Variants in HUWE1 observed in about 807,000 individuals in gnomAD.
HUWE1 encodes E3 ubiquitin-protein ligase HUWE1.
Under a neutral mutation model 299.4 loss-of-function variants are expected in HUWE1, and 18 were observed. The ratio of observed to expected loss-of-function variants is 0.06; its 90% CI spans 0.04 to 0.09. The LOEUF (loss-of-function observed/expected upper bound fraction) is 0.09. HUWE1 is among the 10% of genes least tolerant of loss of function. The pLI is 1.00. For missense variants in HUWE1, 1,832 were observed against 3,462.3 expected, an observed-to-expected ratio of 0.53 and a Z score of 11.82; for synonymous variants, 1,317 against 1,286.1, an observed-to-expected ratio of 1.02 and a Z score of -0.51.
intron 43 of HUWE1, among the ~76,000 whole-genome samples, chrX:53,579,616 T>C (rs2063502466): frequency 9.7e-6 from 1 of 102,926 alleles, no homozygotes; most frequent in South Asian, 4.8e-4. Context: ...AAAATTCTTC[T>C]GCCTTGGGAT....
intron 3 of HUWE1, among the ~76,000 whole-genome samples, chrX:53,672,826 A>T (rs2149549298): frequency 8.9e-6 from 1 of 111,916 alleles, no homozygotes; most frequent in Admixed American, 9.5e-5. Flanking sequence ...AAAAATATAT[A>T]ATATGGCTAC....
intron 60 of HUWE1, among the ~76,000 whole-genome samples, chrX:53,556,886 C>T (rs1488051068): frequency 8.9e-6 from 1 of 112,431 alleles, no homozygotes; most frequent in Middle Eastern, 4.2e-3. Flanking sequence ...AATACAAAAA[C>T]AGCCTTTTAA....
At chrX:53,628,351 C>A (rs1313780056) in intron 15 of HUWE1, 142 bp downstream of exon 15, 13 of 594,440 alleles carry the variant, frequency 2.2e-5, no homozygotes, top group Non-Finnish European at 2.8e-5. Context: ...GCCAAACTGG[C>A]CTTCTACTTA....
chrX:53,602,704 TACTG>T lies in HUWE1; in HGVS notation c.2877-50_2877-47del, dbSNP rs1386489560. 151 of 602,626 alleles carry T rather than the reference TACTG, an allele frequency of 2.5e-4. 1 individual carries two copies. The African/African-American group carries it at 3.0e-3, about 12-fold the overall frequency. The allele number at this position is 602,626 out of a possible 1,213,427, so 49.7% of individuals were successfully genotyped here. A position where few individuals can be genotyped will look rare whatever the true frequency, so the allele number is the denominator to read the frequency against. On this transcript the variant is annotated intron_variant, in intron 27 of 83. Coordinates refer to ENST00000262854, the MANE Select transcript of HUWE1 (RefSeq NM_031407.7). Reference sequence around the variant, plus strand: ...AGCAAAAGAAATATATATATATATATACTGATAATTCACCTCTTATATTGTAAAT... The same window carrying T: ...AGCAAAAGAAATATATATATATATATATAATTCACCTCTTATATTGTAAAT...
intron 39 of HUWE1, among the ~76,000 whole-genome samples, 158 bp from the exon 40 acceptor site, chrX:53,585,346 A>C (rs925043582): frequency 7.1e-5 from 8 of 112,587 alleles, no homozygotes; most frequent in Non-Finnish European, 1.5e-4. Context: ...ATATGCATTT[A>C]CTCTCACATT....
At chrX:53,545,289 T>C in intron 70 of HUWE1, 128 bp from the exon 71 acceptor site, 1 of 665,000 alleles carries the variant, frequency 1.5e-6, no homozygotes, top group Non-Finnish European at 2.4e-6. Context: ...TAGAGTGAGC[T>C]GGAATCGTGC....
chrX:53,578,203 G>C (rs1394634238), intron 43 of HUWE1, among the ~76,000 whole-genome samples: 25 of 95,077 alleles, frequency 2.6e-4, no homozygotes, highest in African/African-American at 5.9e-4. Flanking sequence ...GAGCGCCTCT[G>C]CTGGGCCGCA....
rs1556912679 is a variant in HUWE1 at position 53,536,105 on chromosome X, A to T, written c.12531+42T>A. On this transcript the variant is annotated intron_variant, in intron 80 of 83. Coordinates refer to ENST00000262854, the MANE Select transcript of HUWE1 (RefSeq NM_031407.7). ...AAGGTGAACCTGGAATGGATCTTCCAGATTGGCTGGGATGTGCTGTGATTA... is the reference window on the plus strand; with the variant it reads ...AAGGTGAACCTGGAATGGATCTTCCTGATTGGCTGGGATGTGCTGTGATTA... 9.2e-6 allele frequency: 8 copies of T among 871,756 alleles called. No homozygotes were observed. The Admixed American group carries it at 1.8e-4, about 19-fold the overall frequency. 71.8% of individuals were successfully genotyped at this position (871,756 alleles called of 1,213,427 possible). A position where few individuals can be genotyped will look rare whatever the true frequency, so the allele number is the denominator to read the frequency against.
intron 33 of HUWE1, among the ~76,000 whole-genome samples, chrX:53,591,858 C>G (rs1178432693): frequency 9.0e-6 from 1 of 111,689 alleles, no homozygotes; most frequent in Non-Finnish European, 1.9e-5. Flanking sequence ...CAGATTTGAA[C>G]AGGACTCCAG....
chrX:53,600,647 C>T (rs1236876239), intron 28 of HUWE1, among the ~76,000 whole-genome samples: 1 of 112,595 alleles, frequency 8.9e-6, no homozygotes, highest in Non-Finnish European at 1.9e-5. Context: ...GGATGCCCTA[C>T]TAGAATGTTA....
intron 7 of HUWE1, among the ~76,000 whole-genome samples, chrX:53,641,835 T>C (rs1489452060): frequency 2.7e-5 from 3 of 111,923 alleles, no homozygotes; most frequent in African/African-American, 9.7e-5. Flanking sequence ...ATTTAAAAAA[T>C]GTTACTTGTC....
intron 19 of HUWE1, among the ~76,000 whole-genome samples, chrX:53,623,439 T>C (rs958542305): frequency 8.9e-6 from 1 of 112,209 alleles, no homozygotes; most frequent in Non-Finnish European, 1.9e-5. Flanking sequence ...AGAGAGCTTT[T>C]CCATAGCATG....
At position 53,533,387 on chromosome X, in the gene HUWE1, G is replaced by C; in HGVS notation, c.13047C>G (p.Ala4349=). 1 of 1,201,402 alleles carries C rather than the reference G, an allele frequency of 8.3e-7. No individual in the cohort carries two copies. The highest frequency in any genetic ancestry group is 1.1e-6 in the Non-Finnish European group (1 of 887,097). ...GGCGGAGCTTCTCAAAGCTCTCATA[G>C]GCAGGCAGATCCAGCTGATTAAAAC... ...HTCFNQLDLP[A]YESFEKLRHM... Residue 4349 remains alanine, a synonymous_variant, in exon 84 of 84, where the codon GCC becomes GCG. Transcript: ENST00000262854.
At chrX:53,540,332 T>C (rs1384538503) in intron 74 of HUWE1, among the ~76,000 whole-genome samples, 2 of 102,531 alleles carry the variant, frequency 2.0e-5, no homozygotes, top group African/African-American at 3.5e-5. Context: ...GTCTAATGCC[T>C]TTTTTTTTTT....
chrX:53,610,034 A>G (rs185115135), intron 23 of HUWE1, among the ~76,000 whole-genome samples: 1 of 111,831 alleles, frequency 8.9e-6, no homozygotes, highest in Non-Finnish European at 1.9e-5. Flanking sequence ...CTTTGTAGAA[A>G]GGGAGTATAC....
Position 53,580,782 on chromosome X carries a change from T to C in HUWE1, c.5716+49A>G, listed in dbSNP as rs112527868. On this transcript the variant is annotated intron_variant, in intron 43 of 83. Coordinates refer to ENST00000262854, the MANE Select transcript of HUWE1 (RefSeq NM_031407.7). ...CCTCATAAATAAATTTCTGGATTTA[T>C]ACCAGGCCACAAACTTAATATCAAA... is the stretch of plus-strand genomic sequence containing the variant. The C allele has an allele frequency of 8.3e-3, 9,533 of 1,149,523 alleles. 489 individuals are homozygous for C. The African/African-American group carries it at 0.15, about 18-fold the overall frequency. The allele number at this position is 1,149,523 out of a possible 1,213,427, so 94.7% of individuals were successfully genotyped here. A position where few individuals can be genotyped will look rare whatever the true frequency, so the allele number is the denominator to read the frequency against.
intron 56 of HUWE1, 135 bp downstream of exon 56, chrX:53,560,053 G>A (rs2062214914): frequency 1.7e-6 from 1 of 598,173 alleles, no homozygotes; most frequent in Non-Finnish European, 2.7e-6. Context: ...CAAAGAAATG[G>A]AACAAATACC....
Position 53,628,398 on chromosome X carries a change from T to A in HUWE1, c.1242+95A>T, listed in dbSNP as rs1261998878. The A allele has an allele frequency of 7.8e-6, 7 of 898,672 alleles. No homozygotes were observed. The African/African-American group carries it at 1.5e-4, about 19-fold the overall frequency. The allele number at this position is 898,672 out of a possible 1,213,427, so 74.1% of individuals were successfully genotyped here. ...TTCTGGATAAGCTTTCTTATATTAT[T>A]TGCCCTCACTGTGAAACACCCCAAA... On this transcript the variant is annotated intron_variant, in intron 15 of 83. Transcript: ENST00000262854.
intron 33 of HUWE1, among the ~76,000 whole-genome samples, chrX:53,591,684 TAAC>T (rs2064169282): frequency 8.9e-6 from 1 of 112,526 alleles, no homozygotes; most frequent in African/African-American, 3.2e-5. Context: ...TATTTGATGT[TAAC>T]GACGTAAAAA....
Sources: allele counts gnomAD v4.1 joint callset (sites outside exome capture counted in the v4.1 genomes callset), GRCh38; gene constraint gnomAD v4.1.1; transcripts MANE v1.5; gene names NCBI Gene and HGNC (gene_info 2026-07-23, HGNC 2026-07-21).